WWOX: variants seen among roughly 807,000 people sequenced by gnomAD.
WWOX encodes the protein WW domain containing oxidoreductase, also known as WW domain-containing oxidoreductase.
Under a neutral mutation model 46.2 loss-of-function variants are expected in WWOX, and 69 were observed. The ratio of observed to expected loss-of-function variants is 1.49; its 90% CI spans 1.23 to 1.82. The LOEUF (loss-of-function observed/expected upper bound fraction) is 1.82, where lower values mean the gene tolerates loss of function less well. Among genes scored for constraint, WWOX ranks in the 40% most tolerant of loss-of-function variants. WWOX has a pLI of 0.00. For synonymous variants in WWOX, 359 were observed against 202.6 expected (o/e 1.77, Z -6.56); for missense variants, 919 against 542.6 (o/e 1.69, Z -6.89).
At chr16:79,104,117 G>T (rs1207149934) in intron 8 of WWOX, among the ~76,000 whole-genome samples, 1 of 150,244 alleles carries the variant, frequency 6.7e-6, no homozygotes, top group Non-Finnish European at 1.5e-5. Context: ...TTTCAGCCCT[G>T]GGAGGCTCTA....
intron 5 of WWOX, among the ~76,000 whole-genome samples, chr16:78,365,864 C>T (rs61600581): frequency 2.6e-5 from 4 of 152,150 alleles, no homozygotes; most frequent in Non-Finnish European, 5.9e-5. Context: ...GTGTATAGTT[C>T]TCCTTTCCTT....
chr16:78,638,825 G>C (rs375035876), intron 8 of WWOX, among the ~76,000 whole-genome samples: 1 of 152,138 alleles, frequency 6.6e-6, no homozygotes, highest in African/African-American at 2.4e-5. Flanking sequence ...AGATTTCACA[G>C]TTGTAGCTCC....
chr16:78,556,505 A>C (rs557050601), intron 8 of WWOX, among the ~76,000 whole-genome samples: 1 of 152,240 alleles, frequency 6.6e-6, no homozygotes, highest in South Asian at 2.1e-4. Context: ...GTGCCATCTT[A>C]ACTACAATTA....
chr16:79,095,382 T>A (rs1342530533), intron 8 of WWOX, among the ~76,000 whole-genome samples: 1 of 152,142 alleles, frequency 6.6e-6, no homozygotes, highest in Non-Finnish European at 1.5e-5. Context: ...GAATTATTCT[T>A]ATTTTCAGAA....
chr16:78,825,193 C>G (rs935479547), intron 8 of WWOX: 3 of 157,528 alleles, frequency 1.9e-5, no homozygotes. Flanking sequence ...CCATGGGCAG[C>G]GTCTTCTTAC....
chr16:79,199,231 T>G (rs140539885), intron 8 of WWOX, among the ~76,000 whole-genome samples: 1,622 of 152,138 alleles, frequency 0.011, 31 homozygotes, highest in African/African-American at 0.037. Context: ...CCTGGCTAAT[T>G]TTTGTATTTT....
At chr16:78,427,374 G>A (rs537364678) in intron 7 of WWOX, among the ~76,000 whole-genome samples, 1 of 152,142 alleles carries the variant, frequency 6.6e-6, no homozygotes, top group Admixed American at 6.5e-5. Context: ...ATACATCATA[G>A]TGAAATGAGA....
chr16:78,940,890 C>T (rs944117591), intron 8 of WWOX, among the ~76,000 whole-genome samples: 18 of 152,042 alleles, frequency 1.2e-4, no homozygotes, highest in Admixed American at 6.6e-4. Flanking sequence ...TTTTCAGTCA[C>T]TCTTCATGTC....
intron 8 of WWOX, among the ~76,000 whole-genome samples, chr16:79,051,607 C>A (rs1267427658): frequency 3.3e-5 from 5 of 152,204 alleles, no homozygotes; most frequent in Non-Finnish European, 7.3e-5. Context: ...TAGTGAACAG[C>A]CAGGCAGTCG....
Position 78,870,656 on chromosome 16 carries a change from C to T in WWOX, c.1057-340952C>T, listed in dbSNP as rs1341666723. 3.3e-5 allele frequency among the ~76,000 whole-genome samples: 5 copies of T among 152,242 alleles called. No homozygotes were observed. In the South Asian group the frequency reaches 8.3e-4, roughly 25 times the overall value. ...TCACTCTGTTGCCCAGGCTGGAGTGCGGTGGTGCGATCTTGCCTCACGGCA... is the reference window on the plus strand; with the variant it reads ...TCACTCTGTTGCCCAGGCTGGAGTGTGGTGGTGCGATCTTGCCTCACGGCA... On this transcript the variant is annotated intron_variant, in intron 8 of 8. Transcript: ENST00000566780.
At chr16:79,036,931 T>C (rs1419180038) in intron 8 of WWOX, among the ~76,000 whole-genome samples, 2 of 152,210 alleles carry the variant, frequency 1.3e-5, no homozygotes, top group African/African-American at 2.4e-5. Flanking sequence ...AAGATACGTA[T>C]TTCTCAGTGT....
intron 5 of WWOX, among the ~76,000 whole-genome samples, chr16:78,303,418 C>G (rs1218726369): frequency 6.6e-6 from 1 of 152,188 alleles, no homozygotes; most frequent in Non-Finnish European, 1.5e-5. Context: ...AGCAACTGAG[C>G]TCATGGACGT....
chr16:78,887,084 GTGTGTGT>G (rs1567627193), intron 8 of WWOX, among the ~76,000 whole-genome samples: 9 of 10,304 alleles, frequency 8.7e-4, no homozygotes, highest in Admixed American at 3.2e-3. Context: ...TGTGGTGTGT[GTGTGTGT>G]GTGTGTGTGT....
intron 8 of WWOX, among the ~76,000 whole-genome samples, chr16:79,010,127 A>G (rs975456415): frequency 2.6e-5 from 4 of 152,154 alleles, no homozygotes; most frequent in Non-Finnish European, 5.9e-5. Flanking sequence ...ACTCATGCCT[A>G]GACTTCTTGC....
chr16:78,952,939 G>A (rs921277709), intron 8 of WWOX, among the ~76,000 whole-genome samples: 1 of 152,124 alleles, frequency 6.6e-6, no homozygotes, highest in African/African-American at 2.4e-5. Flanking sequence ...CTCAGAAGAT[G>A]GATGGGCCAG....
chr16:78,441,116 T>C (rs1415202440), intron 8 of WWOX, among the ~76,000 whole-genome samples: 1 of 152,002 alleles, frequency 6.6e-6, no homozygotes, highest in East Asian at 1.9e-4. Context: ...CTGATGTTTG[T>C]ATTTTTAGTA....
At chr16:79,118,819 A>G (rs568108981) in intron 8 of WWOX, among the ~76,000 whole-genome samples, 1 of 152,162 alleles carries the variant, frequency 6.6e-6, no homozygotes, top group East Asian at 1.9e-4. Flanking sequence ...CCCTGTCTTT[A>G]TACATTTCAT....
chr16:79,036,730 G>T (rs949961513), intron 8 of WWOX, among the ~76,000 whole-genome samples: 5 of 152,196 alleles, frequency 3.3e-5, no homozygotes, highest in Admixed American at 1.3e-4. Context: ...TGTCTGCAGT[G>T]AGCGAAGGAT....
intron 4 of WWOX, chr16:78,123,292 C>G (rs2033184181): frequency 6.6e-6 from 1 of 151,926 alleles, no homozygotes; most frequent in South Asian, 2.1e-4. Context: ...GTTTTCATGA[C>G]ATTATTGCTT....
Sources: allele counts gnomAD v4.1 joint callset (sites outside exome capture counted in the v4.1 genomes callset), GRCh38; gene constraint gnomAD v4.1.1; transcripts MANE v1.5; gene names NCBI Gene and HGNC (gene_info 2026-07-23, HGNC 2026-07-21).